UMPS: variants seen among roughly 807,000 people sequenced by gnomAD.
The protein encoded by UMPS is uridine monophosphate synthetase, also known as uridine 5'-monophosphate synthase.
A neutral mutation model predicts 38.9 loss-of-function variants in UMPS; 21 were observed. The ratio of observed to expected loss-of-function variants is 0.54; its 90% CI spans 0.38 to 0.78. The LOEUF (loss-of-function observed/expected upper bound fraction) is 0.78, where lower values mean the gene tolerates loss of function less well. Among genes scored for constraint, UMPS ranks in the 30% least tolerant of loss-of-function variants. The pLI is 0.00. For missense variants in UMPS, 533 were observed against 591.6 expected (o/e 0.90, Z 1.03); for synonymous variants, 208 against 219.3 (o/e 0.95, Z 0.45).
At chr3:124,737,502 GTACGTATATACGCACATA>G in intron 2 of UMPS, 48 bp from the exon 3 acceptor site, 1 of 1,460,100 alleles carries the variant, frequency 6.8e-7, no homozygotes, top group African/African-American at 1.4e-5. Context: ...CAGAGTGTGT[GTACGTATATACGCACATA>G]TACATACATA....
Position 124,745,881 on chromosome 3 carries a change from T to C in UMPS, c.*1797T>C, listed in dbSNP as rs1395570417. The stretch of plus-strand genomic sequence containing the variant: ...TTCCATGTGTCAGTGGTTCTCCCAC[T>C]TTAGCAGGTATCAGAGTCACCTGGA... On this transcript the variant is annotated 3_prime_UTR_variant, in exon 6 of 6. Coordinates refer to ENST00000232607, the MANE Select transcript of UMPS (RefSeq NM_000373.4). 4.4e-6 allele frequency: 2 copies of C among 454,118 alleles called. No individual in the cohort carries two copies. The highest frequency in any genetic ancestry group is 1.4e-4 in the East Asian group (2 of 14,392). 28.1% of individuals were successfully genotyped at this position (454,118 alleles called of 1,614,324 possible).
In UMPS at chr3:124,738,019, G is replaced by A; in HGVS notation, c.762G>A (p.Leu254=). 6.2e-7 allele frequency: 1 copy of A among 1,614,222 alleles called. No individual in the cohort carries two copies. The highest frequency in any genetic ancestry group is 8.5e-7 in the Non-Finnish European group (1 of 1,180,034). ...TTATGCAAAAGAAGGAGACCAATCT[G>A]TGTCTATCTGCTGATGTTTCACTGG... The part of the protein sequence containing the change: ...LRLMQKKETN[L]CLSADVSLAR... The change falls in exon 3 of 6, where the codon CTG becomes CTA. Residue 254 remains leucine (L), a synonymous_variant. Transcript: ENST00000232607.
rs1377097428 is a variant in UMPS at position 124,746,338 on chromosome 3, A to T, written c.*2254A>T. 2.2e-6 allele frequency: 1 copy of T among 454,156 alleles called. No homozygotes were observed. Among genetic ancestry groups the T allele is most frequent in the Non-Finnish European group, 4.4e-6 (1 of 226,794 alleles). 28.1% of individuals were successfully genotyped at this position (454,156 alleles called of 1,614,324 possible). On this transcript the variant is annotated 3_prime_UTR_variant, in exon 6 of 6. Coordinates refer to ENST00000232607, the MANE Select transcript of UMPS (RefSeq NM_000373.4). ...GCGTTAGCAGATTTGTGGTTTGCCC[A>T]GCAGCCTGGGCGTGTGCATTTCTAA...
chr3:124,741,758 A>G (rs556308765), intron 4 of UMPS, among the ~76,000 whole-genome samples: 84 of 152,252 alleles, frequency 5.5e-4, no homozygotes, highest in African/African-American at 1.9e-3. Context: ...TGCTTTACGT[A>G]TGGTTTATTG....
Position 124,748,666 on chromosome 3 carries a change from G to T in UMPS, c.*4582G>T. 2.2e-6 allele frequency: 1 copy of T among 454,010 alleles called. No homozygotes were observed. The highest frequency in any genetic ancestry group is 2.3e-5 in the Admixed American group (1 of 42,558). 28.1% of individuals were successfully genotyped at this position (454,010 alleles called of 1,614,324 possible). On this transcript the variant is annotated 3_prime_UTR_variant, in exon 6 of 6. Transcript: ENST00000232607. Reference sequence around the variant, plus strand: ...GGCAGTTGACACCCAAAATAAGGGTGGGGAACTGTCAGCAGAGGAGGTCTG... The same window carrying T: ...GGCAGTTGACACCCAAAATAAGGGTTGGGAACTGTCAGCAGAGGAGGTCTG...
In UMPS at chr3:124,737,740, C is replaced by G; in HGVS notation, c.483C>G (p.Asp161Glu). ...TGGACAGAGAGCAGGGAGGCAAGGA[C>G]AAGTTGCAGGCGCACGGGATCCGCC... ...VLLDREQGGK[D>E]KLQAHGIRLH... The change falls in exon 3 of 6, where the codon GAC becomes GAG. Residue 161 changes from aspartate to glutamate, a missense_variant. Coordinates refer to ENST00000232607, the MANE Select transcript of UMPS (RefSeq NM_000373.4). 1 of 1,614,150 alleles carries G rather than the reference C, an allele frequency of 6.2e-7. No individual in the cohort carries two copies. Among genetic ancestry groups the G allele is most frequent in the Non-Finnish European group, 8.5e-7 (1 of 1,180,028 alleles).
chr3:124,740,027 G>A lies in UMPS; in HGVS notation c.986G>A (p.Gly329Asp), dbSNP rs753122783. ...CTTTTTTCCCCCTTCTTCTTAGGAG[G>A]TATCTTTAAAATAGCTTCCTGGGCA... ...GNTVKKQYEGGIFKIASWADL... is the reference protein window; with the variant it reads ...GNTVKKQYEGDIFKIASWADL... Residue 329 changes from glycine (G) to aspartate (D), a missense_variant, in exon 4 of 6, where the codon GGT becomes GAT. Gly to Asp is a moderately conservative substitution (Grantham distance 94). Transcript: ENST00000232607. 2 of 1,614,018 alleles carry A rather than the reference G, an allele frequency of 1.2e-6. No individual in the cohort carries two copies. The highest frequency in any genetic ancestry group is 1.1e-5 in the South Asian group (1 of 91,076).
At chr3:124,738,884 T>G (rs1489408988) in intron 3 of UMPS, 1 of 152,598 alleles carries the variant, frequency 6.6e-6, no homozygotes, top group East Asian at 1.9e-4. Flanking sequence ...TCTGTCTATG[T>G]TTTTACAACT....
rs189394930 is a variant in UMPS, at chr3:124,746,805, G to T, written c.*2721G>T. On this transcript the variant is annotated 3_prime_UTR_variant, in exon 6 of 6. Coordinates refer to ENST00000232607, the MANE Select transcript of UMPS (RefSeq NM_000373.4). ...TGTGTGTGTGTGTGTGTGCATGCGCGCGCGTGCGCACTGGAGGAACCTAAG... is the reference window on the plus strand; with the variant it reads ...TGTGTGTGTGTGTGTGTGCATGCGCTCGCGTGCGCACTGGAGGAACCTAAG... 1.6e-5 allele frequency: 7 copies of T among 451,052 alleles called. No homozygotes were observed. Among genetic ancestry groups the T allele is most frequent in the African/African-American group, 1.2e-4 (6 of 49,250 alleles). The allele number at this position is 451,052 out of a possible 1,614,324, so 27.9% of individuals were successfully genotyped here. A position where few individuals can be genotyped will look rare whatever the true frequency, so the allele number is the denominator to read the frequency against.
chr3:124,742,588 G>A (rs2063564355), intron 5 of UMPS: 1 of 269,956 alleles, frequency 3.7e-6, no homozygotes. Flanking sequence ...TTATTCGTAA[G>A]CCCTAATAAT....
chr3:124,738,448 G>A, intron 3 of UMPS: 1 of 565,998 alleles, frequency 1.8e-6, no homozygotes. Context: ...TCTCAGGTAG[G>A]CATACTCTGC....
chr3:124,738,362 C>A, intron 3 of UMPS, 123 bp downstream of exon 3: 2 of 1,010,712 alleles, frequency 2.0e-6, no homozygotes, highest in South Asian at 1.4e-5. Flanking sequence ...TGGTTGGATC[C>A]AGGAGCTCAA....
intron 1 of UMPS, chr3:124,731,700 C>G (rs1160768606): frequency 1.0e-5 from 2 of 199,400 alleles, no homozygotes; most frequent in Admixed American, 5.5e-5. Context: ...AGTTCGAGAC[C>G]AGCCTGGCCA....
rs757409464 is a variant in UMPS at position 124,730,510 on chromosome 3, G to A, written c.39G>A (p.Thr13=). 1.7e-5 allele frequency: 27 copies of A among 1,614,048 alleles called. No individual in the cohort carries two copies. In the East Asian group the frequency reaches 2.9e-4, roughly 17 times the overall value. ...VARAALGPLV[T]GLYDVQAFKF... ...GTGCAGCTTTGGGGCCATTGGTGAC[G>A]GGTCTGTACGACGTGCAGGCTTTCA... Residue 13 remains threonine, a synonymous_variant, in exon 1 of 6, where the codon ACG becomes ACA. Transcript: ENST00000232607.
At chr3:124,740,949 AAAATT>A (rs2063552315) in intron 4 of UMPS, among the ~76,000 whole-genome samples, 1 of 152,146 alleles carries the variant, frequency 6.6e-6, no homozygotes, top group Admixed American at 6.6e-5. Context: ...CCTGTCAAAA[AAAATT>A]AAAAATAAAA....
At position 124,747,451 on chromosome 3, in the gene UMPS, C is replaced by T. The variant is rs768556841; in HGVS notation, c.*3367C>T. 1 of 454,126 alleles carries T rather than the reference C, an allele frequency of 2.2e-6. No homozygotes were observed. The highest frequency in any genetic ancestry group is 1.5e-5 in the South Asian group (1 of 64,528). 28.1% of individuals were successfully genotyped at this position (454,126 alleles called of 1,614,324 possible). ...CTCAGTACCAGTTCCGAGCCTGAAC[C>T]CAAACTCTCGTGTTTCTGCTCACCC... On this transcript the variant is annotated 3_prime_UTR_variant, in exon 6 of 6. Transcript: ENST00000232607.
chr3:124,739,819 C>T (rs1336419476), intron 3 of UMPS, among the ~76,000 whole-genome samples: 2 of 152,146 alleles, frequency 1.3e-5, no homozygotes, highest in African/African-American at 4.8e-5. Flanking sequence ...TGATCTCTCA[C>T]CCAGCTACTT....
intron 3 of UMPS, among the ~76,000 whole-genome samples, chr3:124,739,486 C>T (rs3772806): frequency 0.17 from 26,369 of 151,996 alleles, 2,480 homozygotes; most frequent in Admixed American, 0.25. Context: ...CATGCGCCAC[C>T]ACACCTAGCT....
chr3:124,730,762 G>A (rs2063469753), intron 1 of UMPS, 135 bp downstream of exon 1: 11 of 1,040,794 alleles, frequency 1.1e-5, no homozygotes, highest in Non-Finnish European at 1.4e-6. Flanking sequence ...CTCTTGGTTT[G>A]GGGAGTAAGC....
Sources: gnomAD v4.1 joint callset for allele counts (sites outside exome capture counted in the v4.1 genomes callset) on GRCh38, gnomAD v4.1.1 for gene constraint, MANE v1.5 for transcripts, NCBI Gene and HGNC (gene_info 2026-07-23, HGNC 2026-07-21) for gene names.